APBA1: variants seen among roughly 807,000 people sequenced by gnomAD.
APBA1 encodes the protein amyloid-beta A4 precursor protein-binding family A member 1.
In APBA1, 55 loss-of-function variants were observed where a neutral mutation model predicts 86.6. The ratio of observed to expected loss-of-function variants is 0.64; its 90% CI spans 0.51 to 0.80. The LOEUF (loss-of-function observed/expected upper bound fraction) is 0.80, where lower values mean the gene tolerates loss of function less well. APBA1 is among the 30% of genes least tolerant of loss of function. APBA1 has a pLI of 0.00. For synonymous variants in APBA1, 511 were observed against 493.9 expected, an observed-to-expected ratio of 1.03 and a Z score of -0.46; for missense variants, 1,090 against 1,183.0, an observed-to-expected ratio of 0.92 and a Z score of 1.15.
intron 2 of APBA1, among the ~76,000 whole-genome samples, chr9:69,502,030 C>T: frequency 6.6e-6 from 1 of 152,080 alleles, no homozygotes; most frequent in East Asian, 1.9e-4. Flanking sequence ...CTTCTTGGCA[C>T]AGTTTCACAT....
At chr9:69,640,740 T>C (rs1174854990) in intron 1 of APBA1, among the ~76,000 whole-genome samples, 3 of 152,086 alleles carry the variant, frequency 2.0e-5, no homozygotes, top group Admixed American at 6.6e-5. Flanking sequence ...TCAACTCCCA[T>C]TCATAATAAA....
rs3069250 is a variant in APBA1 at position 69,662,021 on chromosome 9, A to AACACACACACACAC, written c.-70+10118_-70+10131dup. Among the ~76,000 whole-genome samples, 317 of 146,756 alleles carry AACACACACACACAC rather than the reference A, an allele frequency of 2.2e-3. 1 individual carries two copies. Among genetic ancestry groups the AACACACACACACAC allele is most frequent in the African/African-American group, 7.4e-3 (293 of 39,606 alleles). ...CACTGAATGGACTAAGACAAACAGTAACACACACACACACACACACACACA... is the reference window on the plus strand; with the variant it reads ...CACTGAATGGACTAAGACAAACAGTAACACACACACACACACACACACACACACACACACACACA... On this transcript the variant is annotated intron_variant, in intron 1 of 12. Transcript: ENST00000265381.
chr9:69,642,805 AGACT>A, intron 1 of APBA1, among the ~76,000 whole-genome samples: 1 of 152,034 alleles, frequency 6.6e-6, no homozygotes, highest in African/African-American at 2.4e-5. Context: ...TTACGAGAAC[AGACT>A]GACTACCGCC....
chr9:69,587,512 T>C (rs2133961846), intron 1 of APBA1, among the ~76,000 whole-genome samples: 1 of 152,316 alleles, frequency 6.6e-6, no homozygotes, highest in East Asian at 1.9e-4. Context: ...TGCCACACTG[T>C]TTCATCTTCC....
chr9:69,549,844 T>G (rs895981597), intron 1 of APBA1, among the ~76,000 whole-genome samples: 2 of 152,214 alleles, frequency 1.3e-5, no homozygotes, highest in African/African-American at 4.8e-5. Flanking sequence ...CTAATTCATA[T>G]TTTTCTAACT....
chr9:69,505,222 T>C (rs1835939481), intron 2 of APBA1, among the ~76,000 whole-genome samples: 3 of 152,130 alleles, frequency 2.0e-5, no homozygotes, highest in Non-Finnish European at 2.9e-5. Flanking sequence ...AGACCTGTGC[T>C]GACAGGCGCA....
chr9:69,504,412 TTA>T (rs1835922603), intron 2 of APBA1, among the ~76,000 whole-genome samples: 1 of 152,106 alleles, frequency 6.6e-6, no homozygotes, highest in Non-Finnish European at 1.5e-5. Flanking sequence ...TCCATTTGCT[TTA>T]TGTCTTTGTC....
chr9:69,650,836 A>C (rs1489622474), intron 1 of APBA1, among the ~76,000 whole-genome samples: 3 of 152,222 alleles, frequency 2.0e-5, no homozygotes, highest in African/African-American at 7.2e-5. Context: ...ACCAAACAGA[A>C]AGGTACTTAT....
intron 1 of APBA1, among the ~76,000 whole-genome samples, chr9:69,600,361 T>C (rs1822322993): frequency 6.6e-6 from 1 of 152,194 alleles, no homozygotes; most frequent in South Asian, 2.1e-4. Context: ...TCCTCATCTG[T>C]AAAATGGGAG....
At chr9:69,639,211 G>A (rs553441945) in intron 1 of APBA1, among the ~76,000 whole-genome samples, 5 of 152,246 alleles carry the variant, frequency 3.3e-5, no homozygotes, top group African/African-American at 9.6e-5. Context: ...AGTTGTATTA[G>A]TCTATGTGAA....
At chr9:69,555,946 C>G (rs1201237141) in intron 1 of APBA1, among the ~76,000 whole-genome samples, 2 of 152,136 alleles carry the variant, frequency 1.3e-5, no homozygotes, top group African/African-American at 2.4e-5. Flanking sequence ...GTTTATGACT[C>G]AGGTGCCTGT....
chr9:69,439,879 T>C (rs1263141660), intron 11 of APBA1, among the ~76,000 whole-genome samples: 1 of 152,208 alleles, frequency 6.6e-6, no homozygotes, highest in Non-Finnish European at 1.5e-5. Flanking sequence ...GAGTTTCTGG[T>C]TTTTCTGCTC....
chr9:69,647,491 A>G (rs143139652), intron 1 of APBA1, among the ~76,000 whole-genome samples: 82 of 152,358 alleles, frequency 5.4e-4, no homozygotes, highest in Non-Finnish European at 1.1e-3. Flanking sequence ...AAGCCACAGT[A>G]AAGTGCAAGC....
intron 1 of APBA1, among the ~76,000 whole-genome samples, chr9:69,524,455 C>G (rs140254472): frequency 6.6e-6 from 1 of 152,152 alleles, no homozygotes; most frequent in African/African-American, 2.4e-5. Flanking sequence ...ATGAACACCT[C>G]TATACACACA....
intron 1 of APBA1, among the ~76,000 whole-genome samples, chr9:69,561,183 G>T (rs1052933319): frequency 6.6e-6 from 1 of 152,210 alleles, no homozygotes; most frequent in Non-Finnish European, 1.5e-5. Flanking sequence ...TGAATAATGA[G>T]ATAAAGGCTT....
At chr9:69,669,802 A>ATTC (rs1823912816) in intron 1 of APBA1, among the ~76,000 whole-genome samples, 1 of 152,034 alleles carries the variant, frequency 6.6e-6, no homozygotes, top group Admixed American at 6.5e-5. Flanking sequence ...AAAAATGATC[A>ATTC]CATTTACATT....
intron 1 of APBA1, among the ~76,000 whole-genome samples, chr9:69,607,079 T>C (rs1485891757): frequency 6.6e-6 from 1 of 152,220 alleles, no homozygotes; most frequent in Non-Finnish European, 1.5e-5. Context: ...CAGCCTTTAG[T>C]TTGTCTGTTA....
chr9:69,565,681 G>A (rs542970286), intron 1 of APBA1, among the ~76,000 whole-genome samples: 13 of 152,026 alleles, frequency 8.6e-5, no homozygotes, highest in South Asian at 8.3e-4. Flanking sequence ...CTTATTCTCC[G>A]CGTCCAGTCA....
chr9:69,616,507 T>C (rs533115468), intron 1 of APBA1, among the ~76,000 whole-genome samples: 7 of 152,322 alleles, frequency 4.6e-5, no homozygotes, highest in Admixed American at 3.3e-4. Flanking sequence ...TTTTAAACTT[T>C]GTACCTGTTA....
Sources: gnomAD v4.1 joint callset for allele counts (sites outside exome capture counted in the v4.1 genomes callset) on GRCh38, gnomAD v4.1.1 for gene constraint, MANE v1.5 for transcripts, NCBI Gene and HGNC (gene_info 2026-07-23, HGNC 2026-07-21) for gene names.